Variants in SLA2 observed in about 807,000 individuals in gnomAD.
The protein encoded by SLA2 is Src like adaptor 2.
SLA2 carries 22 observed loss-of-function variants against 27.3 expected under a neutral mutation model. That is an observed-to-expected ratio of 0.81 (90% CI 0.58 to 1.15). The LOEUF is 1.15. Ranked by LOEUF, SLA2 falls within the 50% of genes most tolerant of loss-of-function variation. The pLI is 0.00. For synonymous variants in SLA2, 131 were observed against 137.8 expected (o/e 0.95, Z 0.34); for missense variants, 304 against 322.2 (o/e 0.94, Z 0.43).
chr20:36,643,942 A>C (rs1978285634), intron 1 of SLA2, among the ~76,000 whole-genome samples: 1 of 151,196 alleles, frequency 6.6e-6, no homozygotes, highest in Non-Finnish European at 1.5e-5. Flanking sequence ...ACAGAGCGAG[A>C]CTCTGTACCC....
At chr20:36,619,940 A>AT (rs956548060) in intron 5 of SLA2, among the ~76,000 whole-genome samples, 1 of 150,444 alleles carries the variant, frequency 6.6e-6, no homozygotes, top group Non-Finnish European at 1.5e-5. Context: ...CCAAAAAAAA[A>AT]TTTTTTTTTA....
At chr20:36,630,306 A>G (rs1049094015) in intron 5 of SLA2, among the ~76,000 whole-genome samples, 26 of 152,214 alleles carry the variant, frequency 1.7e-4, no homozygotes, top group African/African-American at 6.0e-4. Flanking sequence ...AGAGAGGTCA[A>G]CCCAAGAACG....
chr20:36,640,880 A>C (rs1285234272), intron 2 of SLA2, among the ~76,000 whole-genome samples: 4 of 152,150 alleles, frequency 2.6e-5, no homozygotes, highest in African/African-American at 9.7e-5. Flanking sequence ...TGGACAGTGC[A>C]GCTCTGGGGG....
chr20:36,612,449 G>A lies in SLA2; in HGVS notation c.*1417C>T, dbSNP rs11540276. The A allele has an allele frequency of 0.041, 23,903 of 585,362 alleles. 707 individuals are homozygous for A. Among genetic ancestry groups the A allele is most frequent in the Admixed American group, 0.11 (3,600 of 33,566 alleles). 36.3% of individuals were successfully genotyped at this position (585,362 alleles called of 1,614,324 possible). On this transcript the variant is annotated 3_prime_UTR_variant, in exon 8 of 8. Coordinates refer to ENST00000262866, the MANE Select transcript of SLA2 (RefSeq NM_032214.4). ...ATGGCATTTCAAGTCTTCTGAAACA[G>A]CATGGCTGTATGTGCGTGGTCCATA...
Position 36,641,206 on chromosome 20 carries a change from T to C in SLA2, c.91+39A>G, listed in dbSNP as rs764975316. The C allele has an allele frequency of 5.8e-6, 9 of 1,552,132 alleles. No homozygotes were observed. In the East Asian group the frequency reaches 1.8e-4, roughly 31 times the overall value. Reference sequence around the variant, plus strand: ...ACAGAGGCAGTGAAGTCTAGTACTGTGTGGGAAGAGCCTGGCTGTCACAGG... The same window carrying C: ...ACAGAGGCAGTGAAGTCTAGTACTGCGTGGGAAGAGCCTGGCTGTCACAGG... On this transcript the variant is annotated intron_variant, in intron 2 of 7. Transcript: ENST00000262866.
intron 3 of SLA2, 70 bp from the exon 4 acceptor site, chr20:36,633,699 C>T (rs2039415756): frequency 7.6e-7 from 1 of 1,316,090 alleles, no homozygotes; most frequent in African/African-American, 1.4e-5. Context: ...ACATTCAGGG[C>T]TTGCAAGGAC....
At position 36,645,987 on chromosome 20, in the gene SLA2, G is replaced by A. The variant is rs890192245; in HGVS notation, c.-194C>T. On this transcript the variant is annotated 5_prime_UTR_variant, in exon 1 of 8. Coordinates refer to ENST00000262866, the MANE Select transcript of SLA2 (RefSeq NM_032214.4). ...CTCTCAGCCTGGGAGGATCTTCAGGGAGAGGCTAGGTGTTGGTTTGGGTAG... is the reference window on the plus strand; with the variant it reads ...CTCTCAGCCTGGGAGGATCTTCAGGAAGAGGCTAGGTGTTGGTTTGGGTAG... 6.6e-6 allele frequency: 1 copy of A among 152,370 alleles called. No homozygotes were observed. The highest frequency in any genetic ancestry group is 1.5e-5 in the Non-Finnish European group (1 of 68,166). 9.4% of individuals were successfully genotyped at this position (152,370 alleles called of 1,614,324 possible).
rs899423983 is a variant in SLA2, at chr20:36,625,843, A to T, written c.382+6752T>A. Among the ~76,000 whole-genome samples the T allele has an allele frequency of 4.1e-4, 62 of 151,066 alleles. No individual in the cohort carries two copies. In the East Asian group the frequency reaches 5.7e-3, roughly 14 times the overall value. ...TCCTGTCAAAAAAAAAAAAAAAAAA[A>T]GCTGGGTGTGGTGGCTCATGCCTAT... On this transcript the variant is annotated intron_variant, in intron 5 of 7. Transcript: ENST00000262866.
In SLA2 at chr20:36,629,137, C is replaced by T. The variant is rs1322635815; in HGVS notation, c.382+3458G>A. On this transcript the variant is annotated intron_variant, in intron 5 of 7. Coordinates refer to ENST00000262866, the MANE Select transcript of SLA2 (RefSeq NM_032214.4). ...GGAGTGCAGTGGTGCGATCTCGTCT[C>T]ACTGCAACCTCCACCTCCAGGTTCA... Among the ~76,000 whole-genome samples the T allele has an allele frequency of 4.0e-5, 6 of 150,876 alleles. No homozygotes were observed. The East Asian group carries it at 7.8e-4, about 20-fold the overall frequency.
chr20:36,617,471 T>C (rs1410066312), intron 5 of SLA2, among the ~76,000 whole-genome samples: 1 of 146,914 alleles, frequency 6.8e-6, no homozygotes, highest in East Asian at 2.0e-4. Flanking sequence ...GAGGTGAAGG[T>C]TGCGGTGAGC....
intron 5 of SLA2, among the ~76,000 whole-genome samples, chr20:36,617,573 A>AT (rs1286523808): frequency 2.0e-4 from 31 of 151,336 alleles, no homozygotes; most frequent in Admixed American, 1.8e-3. Context: ...ACAAAAGTTA[A>AT]TGGGCCGGGC....
chr20:36,614,207 C>T, intron 7 of SLA2, 98 bp downstream of exon 7: 1 of 1,592,488 alleles, frequency 6.3e-7, no homozygotes, highest in Non-Finnish European at 8.6e-7. Context: ...CCAGGTGTCC[C>T]TGAGTGTGAC....
intron 5 of SLA2, among the ~76,000 whole-genome samples, chr20:36,626,791 C>G (rs1374770639): frequency 3.3e-5 from 5 of 150,416 alleles, no homozygotes; most frequent in African/African-American, 1.2e-4. Context: ...TTGCAGTGAG[C>G]CGAGATCCCG....
At chr20:36,624,281 C>T (rs140429567) in intron 5 of SLA2, among the ~76,000 whole-genome samples, 258 of 152,276 alleles carry the variant, frequency 1.7e-3, no homozygotes, top group Non-Finnish European at 3.3e-3. Flanking sequence ...CCCAAGTCCT[C>T]TCCCTGGAAA....
At chr20:36,645,377 ATGAATT>A (rs1460849514) in intron 1 of SLA2, among the ~76,000 whole-genome samples, 2 of 152,000 alleles carry the variant, frequency 1.3e-5, no homozygotes, top group African/African-American at 4.8e-5. Context: ...AAAAAAAAAA[ATGAATT>A]TGGATTGAGT....
chr20:36,627,244 A>G (rs549259335), intron 5 of SLA2, among the ~76,000 whole-genome samples: 1 of 152,304 alleles, frequency 6.6e-6, no homozygotes, highest in African/African-American at 2.4e-5. Context: ...GCCAAGTATA[A>G]GGTCCTAATT....
chr20:36,623,731 T>A (rs2039308674), intron 5 of SLA2, among the ~76,000 whole-genome samples: 1 of 152,044 alleles, frequency 6.6e-6, no homozygotes, highest in Non-Finnish European at 1.5e-5. Flanking sequence ...TGGGCTTGAG[T>A]GATCCTGTTG....
At chr20:36,627,229 G>T (rs1297148470) in intron 5 of SLA2, among the ~76,000 whole-genome samples, 1 of 152,196 alleles carries the variant, frequency 6.6e-6, no homozygotes, top group Non-Finnish European at 1.5e-5. Flanking sequence ...CCACCAGAAA[G>T]AAAGGCCAAG....
chr20:36,623,426 T>C (rs1464989946), intron 5 of SLA2, among the ~76,000 whole-genome samples: 3 of 152,098 alleles, frequency 2.0e-5, no homozygotes, highest in African/African-American at 7.2e-5. Flanking sequence ...AAAATAAATT[T>C]AAAGTATATG....
Sources: allele counts gnomAD v4.1 joint callset (sites outside exome capture counted in the v4.1 genomes callset), GRCh38; gene constraint gnomAD v4.1.1; transcripts MANE v1.5; gene names NCBI Gene and HGNC (gene_info 2026-07-23, HGNC 2026-07-21).